TRIM67: variants seen among roughly 807,000 people sequenced by gnomAD.
TRIM67 encodes tripartite motif-containing protein 67.
TRIM67 carries 39 observed loss-of-function variants against 71.0 expected under a neutral mutation model. The ratio of observed to expected loss-of-function variants is 0.55; its 90% confidence interval spans 0.43 to 0.72. TRIM67 has a LOEUF of 0.72. Ranked by LOEUF, TRIM67 falls within the 30% of genes least tolerant of loss-of-function variation. The probability of loss-of-function intolerance (pLI) is 0.00; values close to 1 mark genes in which losing one functional copy is unlikely to be tolerated. For missense variants in TRIM67, 973 were observed against 1,079.2 expected (o/e 0.90, Z 1.38); for synonymous variants, 481 against 473.9 (o/e 1.01, Z -0.19).
chr1:231,196,528 A>G (rs1192664943), intron 1 of TRIM67, among the ~76,000 whole-genome samples: 1 of 151,604 alleles, frequency 6.6e-6, no homozygotes, highest in African/African-American at 2.4e-5. Context: ...GTGAGTCATG[A>G]TTGAGCCACT....
chr1:231,214,501 G>T (rs1247319653), intron 9 of TRIM67, among the ~76,000 whole-genome samples: 2 of 152,180 alleles, frequency 1.3e-5, no homozygotes, highest in African/African-American at 4.8e-5. Context: ...TTATGGCCGG[G>T]CGCGGTGGCT....
chr1:231,196,934 C>T (rs1259818101), intron 1 of TRIM67, among the ~76,000 whole-genome samples: 1 of 152,234 alleles, frequency 6.6e-6, no homozygotes, highest in East Asian at 1.9e-4. Context: ...CCAGGGTTTG[C>T]ACCCCAGGCC....
chr1:231,193,894 G>A (rs1425884621), intron 1 of TRIM67, among the ~76,000 whole-genome samples: 2 of 152,118 alleles, frequency 1.3e-5, no homozygotes, highest in South Asian at 2.1e-4. Flanking sequence ...ACACTCATGC[G>A]GATCCACCCC....
At chr1:231,199,608 C>G (rs1683465596) in intron 3 of TRIM67, among the ~76,000 whole-genome samples, 1 of 152,204 alleles carries the variant, frequency 6.6e-6, no homozygotes, top group Non-Finnish European at 1.5e-5. Flanking sequence ...ACTCTCCCCT[C>G]ACGTCACACT....
chr1:231,217,223 T>A lies in TRIM67; in HGVS notation c.*1783T>A. ...GTGGCCGGCAAGGCCAGCTGCCCCG[T>A]CTCCAGGAGCTGCTCGGTGCTGTGT... On this transcript the variant is annotated 3_prime_UTR_variant, in exon 10 of 10. Transcript: ENST00000366653. The A allele has an allele frequency of 1.0e-6, 1 of 986,030 alleles. No individual in the cohort carries two copies. The highest frequency in any genetic ancestry group is 1.2e-6 in the Non-Finnish European group (1 of 830,092). 61.1% of individuals were successfully genotyped at this position (986,030 alleles called of 1,614,324 possible).
chr1:231,163,188 T>C lies in TRIM67; in HGVS notation c.219T>C (p.Ala73=). The stretch of plus-strand genomic sequence containing the variant: ...CCTCTCTGGAGCACGACGCTGCGGC[T>C]GGCCCGGCCTGCGGCGGTGCAGGCG... The part of the protein sequence containing the change: ...AAASLEHDAA[A]GPACGGAGGS... Residue 73 remains alanine, a synonymous_variant, in exon 1 of 10, where the codon GCT becomes GCC. Coordinates refer to ENST00000366653, the MANE Select transcript of TRIM67 (RefSeq NM_001004342.5). The C allele has an allele frequency of 6.7e-7, 1 of 1,482,234 alleles. No individual in the cohort carries two copies. Among genetic ancestry groups the C allele is most frequent in the South Asian group, 1.3e-5 (1 of 74,316 alleles). The allele number at this position is 1,482,234 out of a possible 1,614,324, so 91.8% of individuals were successfully genotyped here. A position where few individuals can be genotyped will look rare whatever the true frequency, so the allele number is the denominator to read the frequency against.
intron 9 of TRIM67, among the ~76,000 whole-genome samples, chr1:231,214,946 A>G (rs544650280): frequency 7.4e-4 from 113 of 152,318 alleles, no homozygotes; most frequent in Non-Finnish European, 3.7e-4. Flanking sequence ...CAATGAACAG[A>G]TAAGCTTTTT....
intron 2 of TRIM67, 100 bp from the exon 3 acceptor site, chr1:231,198,947 C>A: frequency 4.5e-6 from 7 of 1,555,050 alleles, no homozygotes; most frequent in Non-Finnish European, 6.1e-6. Flanking sequence ...CTAGGATGAA[C>A]TTCTCTGAAA....
chr1:231,174,884 A>G (rs553573580), intron 1 of TRIM67, among the ~76,000 whole-genome samples: 35 of 152,354 alleles, frequency 2.3e-4, no homozygotes, highest in African/African-American at 7.5e-4. Flanking sequence ...CAAAATAAGT[A>G]GTCTACTTGA....
intron 7 of TRIM67, among the ~76,000 whole-genome samples, chr1:231,207,748 G>GGA (rs1683745645): frequency 6.6e-6 from 1 of 152,170 alleles, no homozygotes; most frequent in African/African-American, 2.4e-5. Context: ...CACCCCTAGA[G>GGA]GAGAGCTCGC....
intron 1 of TRIM67, among the ~76,000 whole-genome samples, chr1:231,181,406 A>G (rs922991379): frequency 6.6e-6 from 1 of 152,210 alleles, no homozygotes; most frequent in South Asian, 2.1e-4. Flanking sequence ...GGTGACCTGC[A>G]ATGGGCACTC....
Position 231,215,909 on chromosome 1 carries a change from T to G in TRIM67, c.*469T>G. 1 of 991,038 alleles carries G rather than the reference T, an allele frequency of 1.0e-6. No individual in the cohort carries two copies. Among genetic ancestry groups the G allele is most frequent in the Non-Finnish European group, 1.2e-6 (1 of 833,942 alleles). 61.4% of individuals were successfully genotyped at this position (991,038 alleles called of 1,614,324 possible). A position where few individuals can be genotyped will look rare whatever the true frequency, so the allele number is the denominator to read the frequency against. ...ACCTTGCCTCCTCAGAGTCCCGAGATTGCAGATTCTCATCATGCTGAGAAA... is the reference window on the plus strand; with the variant it reads ...ACCTTGCCTCCTCAGAGTCCCGAGAGTGCAGATTCTCATCATGCTGAGAAA... On this transcript the variant is annotated 3_prime_UTR_variant, in exon 10 of 10. Transcript: ENST00000366653.
chr1:231,188,186 A>G (rs775041674), intron 1 of TRIM67, among the ~76,000 whole-genome samples: 18 of 152,018 alleles, frequency 1.2e-4, no homozygotes, highest in Admixed American at 9.8e-4. Context: ...TCCCCCAGAC[A>G]CCTTGCTCTG....
At chr1:231,200,612 C>A (rs550011774) in intron 4 of TRIM67, among the ~76,000 whole-genome samples, 1 of 152,288 alleles carries the variant, frequency 6.6e-6, no homozygotes, top group East Asian at 1.9e-4. Flanking sequence ...TGTGCAGAGT[C>A]CTGCAGGCCT....
At chr1:231,194,877 G>A (rs1426378703) in intron 1 of TRIM67, among the ~76,000 whole-genome samples, 2 of 152,042 alleles carry the variant, frequency 1.3e-5, no homozygotes, top group Non-Finnish European at 2.9e-5. Flanking sequence ...TAGAGAGAGG[G>A]TGAGGATGAG....
chr1:231,185,298 G>C (rs575028098), intron 1 of TRIM67: 1 of 1,304,802 alleles, frequency 7.7e-7, no homozygotes, highest in African/African-American at 1.5e-5. Context: ...TCCTACACTG[G>C]AGGGATCTGA....
Position 231,217,008 on chromosome 1 carries a change from TC to T in TRIM67, c.*1569del. 1 of 985,900 alleles carries T rather than the reference TC, an allele frequency of 1.0e-6. No homozygotes were observed. Among genetic ancestry groups the T allele is most frequent in the Non-Finnish European group, 1.2e-6 (1 of 829,946 alleles). The allele number at this position is 985,900 out of a possible 1,614,324, so 61.1% of individuals were successfully genotyped here. A position where few individuals can be genotyped will look rare whatever the true frequency, so the allele number is the denominator to read the frequency against. ...TTGCTGGACTGGATTTTTATAAAATTCGCCCATTCACCAGCACCAACTGTGC... is the reference window on the plus strand; with the variant it reads ...TTGCTGGACTGGATTTTTATAAAATTGCCCATTCACCAGCACCAACTGTGC... On this transcript the variant is annotated 3_prime_UTR_variant, in exon 10 of 10. Transcript: ENST00000366653.
At chr1:231,166,772 T>A (rs895497786) in intron 1 of TRIM67, among the ~76,000 whole-genome samples, 1 of 152,216 alleles carries the variant, frequency 6.6e-6, no homozygotes, top group Non-Finnish European at 1.5e-5. Context: ...AATAAGATTA[T>A]CACCTTTTAA....
At position 231,211,027 on chromosome 1, in the gene TRIM67, A is replaced by ATAT. The variant is rs1553328710; in HGVS notation, c.2123+1777_2123+1778insTAT. 5.6e-4 allele frequency among the ~76,000 whole-genome samples: 73 copies of ATAT among 130,500 alleles called. 1 individual carries two copies. The highest frequency in any genetic ancestry group is 1.8e-3 in the African/African-American group (65 of 35,508). 85.6% of individuals were successfully genotyped at this position (130,500 alleles called of 152,430 possible). A position where few individuals can be genotyped will look rare whatever the true frequency, so the allele number is the denominator to read the frequency against. ...TGAGACCCTCCTCTCTACCAAAAAA[A>ATAT]AAAAATATATATATATATATATATT... is the stretch of plus-strand genomic sequence containing the variant. On this transcript the variant is annotated intron_variant, in intron 8 of 9. Coordinates refer to ENST00000366653, the MANE Select transcript of TRIM67 (RefSeq NM_001004342.5).
Sources: gnomAD v4.1 joint callset for allele counts (sites outside exome capture counted in the v4.1 genomes callset) on GRCh38, gnomAD v4.1.1 for gene constraint, MANE v1.5 for transcripts, NCBI Gene and HGNC (gene_info 2026-07-23, HGNC 2026-07-21) for gene names.